Variants in ARHGAP32 observed in about 807,000 individuals in gnomAD.
ARHGAP32 encodes the protein Rho GTPase activating protein 32.
ARHGAP32 carries 51 observed loss-of-function variants against 186.5 expected under a neutral mutation model. The ratio of observed to expected loss-of-function variants is 0.27; its 90% CI spans 0.22 to 0.35. The LOEUF is 0.35. Ranked by LOEUF, ARHGAP32 falls within the 10% of genes least tolerant of loss-of-function variation. The pLI, the probability that ARHGAP32 is intolerant of heterozygous loss-of-function variation, is 1.00. For synonymous variants in ARHGAP32, 950 were observed against 964.3 expected (o/e 0.99, Z 0.27); for missense variants, 2,186 against 2,623.5 (o/e 0.83, Z 3.64).
chr11:129,017,292 A>G (rs1938395084), intron 11 of ARHGAP32, among the ~76,000 whole-genome samples: 1 of 152,060 alleles, frequency 6.6e-6, no homozygotes, highest in Admixed American at 6.6e-5. Context: ...TGTCTCTACT[A>G]AAAATACAAA....
At chr11:129,058,939 T>A (rs1434963850) in intron 10 of ARHGAP32, among the ~76,000 whole-genome samples, 2 of 151,808 alleles carry the variant, frequency 1.3e-5, no homozygotes, top group South Asian at 2.1e-4. Context: ...GTCTGAAGAG[T>A]TTTTCTCCAG....
intron 2 of ARHGAP32, among the ~76,000 whole-genome samples, chr11:129,144,990 C>T (rs1419390436): frequency 6.6e-6 from 1 of 152,136 alleles, no homozygotes; most frequent in Non-Finnish European, 1.5e-5. Context: ...AAAATTAACA[C>T]ATTTACATAT....
At chr11:129,211,334 C>A (rs952409056) in intron 1 of ARHGAP32, among the ~76,000 whole-genome samples, 3 of 152,082 alleles carry the variant, frequency 2.0e-5, no homozygotes, top group African/African-American at 7.2e-5. Context: ...CACAAGATTT[C>A]TCAGAAATGT....
rs913103344 is a variant in ARHGAP32, at chr11:128,969,869, G to A, written c.5344C>T (p.Pro1782Ser). 1 of 1,614,206 alleles carries A rather than the reference G, an allele frequency of 6.2e-7. No homozygotes were observed. Among genetic ancestry groups the A allele is most frequent in the Non-Finnish European group, 8.5e-7 (1 of 1,180,044 alleles). ...ATGTTATCATATTGGGACATGACAG[G>A]CCCTTTCACCTTCTGCCGAGCACGG... ...ESRARQKVKGPVMSQYDNMTP... is the reference protein window; with the variant it reads ...ESRARQKVKGSVMSQYDNMTP... The change falls in exon 23 of 23, where the codon CCT becomes TCT. Residue 1782 changes from proline (P) to serine (S), a missense_variant. Around this residue, in one of 5 missense-constraint regions of ARHGAP32, gnomAD observed 1,502 missense variants for 1,570.0 expected, o/e 0.96. Coordinates refer to ENST00000682385, the MANE Select transcript of ARHGAP32 (RefSeq NM_001378024.1). This position sits in a 1 kb window ranked among gnomAD's most constrained non-coding sequence, Gnocchi z 4.8.
At chr11:129,136,240 T>C (rs539009916) in intron 2 of ARHGAP32, among the ~76,000 whole-genome samples, 2 of 152,266 alleles carry the variant, frequency 1.3e-5, no homozygotes, top group South Asian at 2.1e-4. Flanking sequence ...ATAATCATCA[T>C]AGAAATAAGG....
intron 16 of ARHGAP32, 36 bp from the exon 17 acceptor site, chr11:128,981,597 G>C: frequency 6.3e-7 from 1 of 1,580,518 alleles, no homozygotes; most frequent in Non-Finnish European, 8.6e-7. Flanking sequence ...GAGTTGTAAA[G>C]ATAGCAGTCG....
At chr11:129,254,789 C>A (rs1469073900) in intron 1 of ARHGAP32, among the ~76,000 whole-genome samples, 1 of 152,084 alleles carries the variant, frequency 6.6e-6, no homozygotes, top group Non-Finnish European at 1.5e-5. Flanking sequence ...CTGAAATGCA[C>A]ACATTTGAAC....
intron 2 of ARHGAP32, among the ~76,000 whole-genome samples, chr11:129,131,664 C>T (rs1180826750): frequency 6.6e-6 from 1 of 152,142 alleles, no homozygotes; most frequent in African/African-American, 2.4e-5. Context: ...TCACCTCCCA[C>T]CAGGCCCCTC....
upstream of ARHGAP32, among the ~76,000 whole-genome samples, chr11:129,192,693 A>G (rs1466117996): frequency 2.0e-5 from 3 of 152,154 alleles, no homozygotes; most frequent in African/African-American, 7.2e-5. Context: ...CAATAAGTAG[A>G]GAAGATAAGT....
At chr11:128,976,096 T>C (rs1042683749) in intron 20 of ARHGAP32, among the ~76,000 whole-genome samples, 1 of 151,302 alleles carries the variant, frequency 6.6e-6, no homozygotes, top group Non-Finnish European at 1.5e-5. Flanking sequence ...TATATATATA[T>C]ATATATTCAC....
At chr11:129,089,271 G>C (rs146785797) in intron 6 of ARHGAP32, among the ~76,000 whole-genome samples, 180 of 152,286 alleles carry the variant, frequency 1.2e-3, no homozygotes, top group African/African-American at 4.2e-3. Context: ...ATAAACCTTT[G>C]ACTTCTTAGA....
At chr11:129,243,756 C>G (rs184225247) in intron 1 of ARHGAP32, among the ~76,000 whole-genome samples, 77 of 152,200 alleles carry the variant, frequency 5.1e-4, no homozygotes, top group Non-Finnish European at 1.0e-4. Context: ...CCATAAAATG[C>G]CATTATCAGA....
At chr11:129,052,349 T>C (rs1018528033) in intron 10 of ARHGAP32, among the ~76,000 whole-genome samples, 1 of 152,218 alleles carries the variant, frequency 6.6e-6, no homozygotes, top group Non-Finnish European at 1.5e-5. Flanking sequence ...TTCTCCAACT[T>C]TGTTCTTTTT....
chr11:129,222,262 A>G (rs1239257598), intron 1 of ARHGAP32, among the ~76,000 whole-genome samples: 1 of 152,200 alleles, frequency 6.6e-6, no homozygotes, highest in Non-Finnish European at 1.5e-5. Context: ...AACTTGGTCC[A>G]GTTTTACCAG....
upstream of ARHGAP32, among the ~76,000 whole-genome samples, chr11:129,193,727 T>TATA (rs1944349738): frequency 1.3e-5 from 1 of 76,072 alleles, no homozygotes; most frequent in Non-Finnish European, 2.6e-5. Flanking sequence ...TTATATATTA[T>TATA]ATATAATATA....
rs1319864930 is a variant in ARHGAP32 at position 128,974,850 on chromosome 11, T to C, written c.2347A>G (p.Ile783Val). The change falls in exon 21 of 23, where the codon ATC (isoleucine) becomes GTC (valine). Residue 783 changes from isoleucine to valine, a missense_variant. By Grantham distance (29) the Ile-to-Val change is conservative. This residue lies in a region of ARHGAP32 where 263 missense variants were observed against 323.5 expected (regional missense o/e 0.81). Transcript: ENST00000682385. Reference protein sequence around the residue: ...ESEEEGGLLHIPALMSPHSAE... With the variant: ...ESEEEGGLLHVPALMSPHSAE... ...GAATGAGGAGACATAAGGGCTGGGA[T>C]ATGAAGCAGCCCTCCTTCCTCCTCA... 2 of 1,614,038 alleles carry C rather than the reference T, an allele frequency of 1.2e-6. No homozygotes were observed. The highest frequency in any genetic ancestry group is 1.7e-6 in the Non-Finnish European group (2 of 1,180,016).
intron 10 of ARHGAP32, among the ~76,000 whole-genome samples, chr11:129,061,622 T>C (rs1173149309): frequency 6.6e-6 from 1 of 152,118 alleles, no homozygotes; most frequent in Non-Finnish European, 1.5e-5. Context: ...GCAGGCAGCA[T>C]CTACAGTGTG....
At chr11:129,210,241 T>G (rs1027891749) in intron 1 of ARHGAP32, among the ~76,000 whole-genome samples, 1 of 152,210 alleles carries the variant, frequency 6.6e-6, no homozygotes, top group African/African-American at 2.4e-5. Flanking sequence ...ATTTGACTAT[T>G]TCCAAAGGGA....
chr11:128,977,762 A>G (rs1945587642), intron 19 of ARHGAP32, among the ~76,000 whole-genome samples: 1 of 152,034 alleles, frequency 6.6e-6, no homozygotes, highest in Admixed American at 6.6e-5. Context: ...CTGCAGCCTC[A>G]ACCTCCTGGG....
Sources: gnomAD v4.1 joint callset for allele counts (sites outside exome capture counted in the v4.1 genomes callset) on GRCh38, gnomAD v4.1.1 for gene constraint, gnomAD v4.1.1 regional missense constraint, Gnocchi (gnomAD v3.1) non-coding constraint, MANE v1.5 for transcripts, NCBI Gene and HGNC (gene_info 2026-07-23, HGNC 2026-07-21) for gene names.